ATP23: variants seen among roughly 807,000 people sequenced by gnomAD.
ATP23 encodes mitochondrial inner membrane protease ATP23 homolog.
A neutral mutation model predicts 28.5 loss-of-function variants in ATP23; 24 were observed. The ratio of observed to expected loss-of-function variants is 0.84; its 90% CI spans 0.61 to 1.18. ATP23 has a LOEUF of 1.18. ATP23 is among the 50% of genes most tolerant of loss of function. ATP23 has a pLI of 0.00. For synonymous variants in ATP23, 99 were observed against 108.6 expected (o/e 0.91, Z 0.55); for missense variants, 274 against 306.4 (o/e 0.89, Z 0.79).
intron 3 of ATP23, among the ~76,000 whole-genome samples, chr12:57,950,536 T>C (rs1249264901): frequency 6.6e-6 from 1 of 151,798 alleles, no homozygotes; most frequent in Non-Finnish European, 1.5e-5. Context: ...TTCTTTTTTT[T>C]TTTTTTGACA....
intron 4 of ATP23, among the ~76,000 whole-genome samples, chr12:57,953,335 G>A (rs751103805): frequency 5.9e-5 from 9 of 152,072 alleles, no homozygotes; most frequent in African/African-American, 1.2e-4. Flanking sequence ...GTAAAGCTAC[G>A]CATAAAGTTT....
intron 2 of ATP23, 72 bp downstream of exon 2, chr12:57,945,745 G>C: frequency 7.2e-7 from 1 of 1,381,770 alleles, no homozygotes; most frequent in Admixed American, 1.7e-5. Flanking sequence ...CTCTTCTTAA[G>C]AGAACTGCTT....
chr12:57,947,175 A>G, intron 3 of ATP23, 99 bp downstream of exon 3: 1 of 1,125,304 alleles, frequency 8.9e-7, no homozygotes, highest in Non-Finnish European at 1.3e-6. Flanking sequence ...GGTAGACTTT[A>G]TGTAGGACTA....
intron 5 of ATP23, among the ~76,000 whole-genome samples, chr12:57,956,371 C>T (rs530916746): frequency 1.2e-4 from 16 of 134,570 alleles, no homozygotes; most frequent in South Asian, 9.2e-4. Context: ...TTTTTTTTGG[C>T]GAGTTTGCAA....
chr12:57,941,591 C>T lies in ATP23; in HGVS notation c.-111C>T. Reference sequence around the variant, plus strand: ...CAGCCCAGCCAGGCTGCCCTTCTTCCCTGCGGAGGGAGGGCCTGGGCGGTC... The same window carrying T: ...CAGCCCAGCCAGGCTGCCCTTCTTCTCTGCGGAGGGAGGGCCTGGGCGGTC... On this transcript the variant is annotated 5_prime_UTR_variant, in exon 1 of 6. Transcript: ENST00000300145. 7.0e-7 allele frequency: 1 copy of T among 1,424,212 alleles called. No homozygotes were observed. The highest frequency in any genetic ancestry group is 2.5e-5 in the East Asian group (1 of 40,756). 88.2% of individuals were successfully genotyped at this position (1,424,212 alleles called of 1,614,324 possible).
intron 1 of ATP23, among the ~76,000 whole-genome samples, chr12:57,944,003 C>G (rs904933169): frequency 4.1e-5 from 6 of 145,574 alleles, no homozygotes; most frequent in East Asian, 4.2e-4. Context: ...TTTTTTTCAC[C>G]AAAGCAATTT....
intron 4 of ATP23, among the ~76,000 whole-genome samples, chr12:57,952,102 A>G (rs906461231): frequency 2.6e-5 from 4 of 152,182 alleles, no homozygotes; most frequent in African/African-American, 2.4e-5. Flanking sequence ...TATATCCTGT[A>G]AGTCCTAGTA....
intron 1 of ATP23, among the ~76,000 whole-genome samples, 196 bp downstream of exon 1, chr12:57,942,084 C>T (rs895888067): frequency 6.6e-6 from 1 of 152,186 alleles, no homozygotes. Context: ...CCCTTTTCGT[C>T]GCTGTTTTTG....
Position 57,941,613 on chromosome 12 carries a change from G to C in ATP23, c.-89G>C. On this transcript the variant is annotated 5_prime_UTR_variant, in exon 1 of 6. Transcript: ENST00000300145. The stretch of plus-strand genomic sequence containing the variant: ...TTCCCTGCGGAGGGAGGGCCTGGGC[G>C]GTCGCGTTGGCGGGAGGGAGGTTAC... 6.7e-7 allele frequency: 1 copy of C among 1,493,556 alleles called. No homozygotes were observed. Among genetic ancestry groups the C allele is most frequent in the Non-Finnish European group, 8.9e-7 (1 of 1,119,956 alleles). The allele number at this position is 1,493,556 out of a possible 1,614,324, so 92.5% of individuals were successfully genotyped here.
intron 3 of ATP23, among the ~76,000 whole-genome samples, chr12:57,950,891 A>G (rs1376944332): frequency 6.6e-6 from 1 of 152,230 alleles, no homozygotes; most frequent in African/African-American, 2.4e-5. Context: ...GCATGTATGT[A>G]AACATTTTGG....
intron 2 of ATP23, 59 bp downstream of exon 2, chr12:57,945,732 G>A (rs1393250512): frequency 2.0e-6 from 3 of 1,500,876 alleles, no homozygotes; most frequent in Non-Finnish European, 2.8e-6. Context: ...CAAAAACCAA[G>A]TTCTCTTCTT....
intron 3 of ATP23, chr12:57,949,737 C>T (rs898156909): frequency 1.3e-5 from 2 of 152,294 alleles, no homozygotes; most frequent in African/African-American, 4.8e-5. Context: ...TCAAATGATC[C>T]TTCCATTTCA....
At chr12:57,943,983 T>C (rs564869539) in intron 1 of ATP23, among the ~76,000 whole-genome samples, 4,864 of 145,440 alleles carry the variant, frequency 0.033, 269 homozygotes, top group African/African-American at 0.11. Flanking sequence ...GGGAGTCTCT[T>C]TTTTTTTTTT....
intron 1 of ATP23, among the ~76,000 whole-genome samples, chr12:57,943,981 CTTTT>C (rs766959594): frequency 2.6e-4 from 25 of 95,038 alleles, no homozygotes; most frequent in African/African-American, 7.6e-4. Flanking sequence ...ATGGGAGTCT[CTTTT>C]TTTTTTTTTT....
chr12:57,958,361 G>A lies in ATP23; in HGVS notation c.*1471G>A, dbSNP rs1956888271. Among the ~76,000 whole-genome samples, 1 of 152,136 alleles carries A rather than the reference G, an allele frequency of 6.6e-6. No individual in the cohort carries two copies. The highest frequency in any genetic ancestry group is 1.5e-5 in the Non-Finnish European group (1 of 68,030). The stretch of plus-strand genomic sequence containing the variant: ...AGTTCTAGGGCCCCACTCACCACAA[G>A]TTCTTCTCCATACTACCACAACTGA... On this transcript the variant is annotated 3_prime_UTR_variant, in exon 6 of 6. Coordinates refer to ENST00000300145, the MANE Select transcript of ATP23 (RefSeq NM_033276.4).
At chr12:57,945,797 T>C in intron 2 of ATP23, 124 bp downstream of exon 2, 1 of 841,188 alleles carries the variant, frequency 1.2e-6, no homozygotes, top group Admixed American at 2.2e-5. Context: ...ATAGGGTAAA[T>C]AGAGGTAATT....
At position 57,956,946 on chromosome 12, in the gene ATP23, TG is replaced by T; in HGVS notation, c.*58del. On this transcript the variant is annotated 3_prime_UTR_variant, in exon 6 of 6. Coordinates refer to ENST00000300145, the MANE Select transcript of ATP23 (RefSeq NM_033276.4). ...CCATCATCATGAAGAAAAAAAAATT[TG>T]GTTCTCAAGTGAACAAACATATAAA... 1.1e-5 allele frequency: 16 copies of T among 1,486,440 alleles called. No homozygotes were observed. The highest frequency in any genetic ancestry group is 1.4e-5 in the Non-Finnish European group (15 of 1,110,898). 92.1% of individuals were successfully genotyped at this position (1,486,440 alleles called of 1,614,324 possible). A position where few individuals can be genotyped will look rare whatever the true frequency, so the allele number is the denominator to read the frequency against.
chr12:57,950,620 G>A (rs1292570849), intron 3 of ATP23, among the ~76,000 whole-genome samples: 1 of 151,824 alleles, frequency 6.6e-6, no homozygotes, highest in African/African-American at 2.4e-5. Flanking sequence ...AACCTCCTGG[G>A]CTCAAGTGAT....
chr12:57,953,795 T>C (rs1956838510), intron 5 of ATP23, 106 bp downstream of exon 5: 1 of 1,001,432 alleles, frequency 1.0e-6, no homozygotes, highest in African/African-American at 1.6e-5. Flanking sequence ...AAGAACTTCG[T>C]ATGTGAAAAG....
Sources: gnomAD v4.1 joint callset for allele counts (sites outside exome capture counted in the v4.1 genomes callset) on GRCh38, gnomAD v4.1.1 for gene constraint, MANE v1.5 for transcripts, NCBI Gene and HGNC (gene_info 2026-07-23, HGNC 2026-07-21) for gene names.